The following NPHP4 variants were observed in gnomAD, a reference collection of about 807,000 sequenced individuals.
NPHP4 encodes the protein nephrocystin 4.
Under a neutral mutation model 155.8 loss-of-function variants are expected in NPHP4, and 151 were observed. The ratio of observed to expected loss-of-function variants is 0.97; its 90% CI spans 0.85 to 1.11. The LOEUF is 1.11. NPHP4 is among the 50% of genes least tolerant of loss of function. The probability of loss-of-function intolerance (pLI) is 0.00; values close to 1 mark genes in which losing one functional copy is unlikely to be tolerated. For missense variants in NPHP4, 1,956 were observed against 1,925.7 expected, an observed-to-expected ratio of 1.02 and a Z score of -0.29; for synonymous variants, 845 against 816.8, an observed-to-expected ratio of 1.03 and a Z score of -0.59.
Position 5,978,523 on chromosome 1 carries a change from G to C in NPHP4, c.136-110C>G, listed in dbSNP as rs4908639. 786,100 of 966,350 alleles carry C rather than the reference G, an allele frequency of 0.81. 321,221 individuals carry two copies. Among genetic ancestry groups the C allele is most frequent in the African/African-American group, 0.94 (57,790 of 61,626 alleles). The allele number at this position is 966,350 out of a possible 1,614,324, so 59.9% of individuals were successfully genotyped here. A position where few individuals can be genotyped will look rare whatever the true frequency, so the allele number is the denominator to read the frequency against. ...GGCCACCTCGCTCAGATATCAGCAC[G>C]CTGGTTTCCTTATTGGGAGGCTACC... On this transcript the variant is annotated intron_variant, in intron 2 of 29. Coordinates refer to ENST00000378156, the MANE Select transcript of NPHP4 (RefSeq NM_015102.5).
At chr1:5,901,439 T>C (rs1332917165) in intron 16 of NPHP4, among the ~76,000 whole-genome samples, 1 of 152,234 alleles carries the variant, frequency 6.6e-6, no homozygotes, top group African/African-American at 2.4e-5. Flanking sequence ...GAAATTGAAA[T>C]CAGTCGGGTG....
At position 5,887,318 on chromosome 1, in the gene NPHP4, T is replaced by C. The variant is rs752985724; in HGVS notation, c.2453A>G (p.Lys818Arg). 3 of 1,613,402 alleles carry C rather than the reference T, an allele frequency of 1.9e-6. No homozygotes were observed. In the African/African-American group the frequency reaches 4.0e-5, roughly 22 times the overall value. Residue 818 changes from lysine (K) to arginine (R), a missense_variant, in exon 18 of 30, where the codon AAG (lysine) becomes AGG (arginine). By Grantham distance (26) the Lys-to-Arg change is conservative. Coordinates refer to ENST00000378156, the MANE Select transcript of NPHP4 (RefSeq NM_015102.5). ...GGCCAAAGTCAGGTGCAGCCGGCCC[T>C]TCACCACCGAGTGGACGCCGATGGG... ...VKPIGVHSVVKGRLHLTLANV... is the reference protein window; with the variant it reads ...VKPIGVHSVVRGRLHLTLANV...
chr1:5,873,209 C>G (rs1272584423), intron 23 of NPHP4, 43 bp downstream of exon 23: 1 of 1,523,604 alleles, frequency 6.6e-7, no homozygotes, highest in Admixed American at 1.7e-5. Flanking sequence ...CTGGGAATAC[C>G]CAGGAAGCCC....
chr1:5,987,792 T>G (rs1335583508), intron 1 of NPHP4, among the ~76,000 whole-genome samples: 2 of 152,222 alleles, frequency 1.3e-5, no homozygotes, highest in East Asian at 3.8e-4. Context: ...CCATTTTCAC[T>G]AAGAAGAATG....
At chr1:5,912,011 A>G (rs1163948906) in intron 11 of NPHP4, among the ~76,000 whole-genome samples, 3 of 152,382 alleles carry the variant, frequency 2.0e-5, no homozygotes, top group Admixed American at 6.5e-5. Context: ...CGGGAGCAGC[A>G]TGCGTGTGCA....
chr1:5,864,272 G>C (rs1640955194), intron 28 of NPHP4, 66 bp downstream of exon 28: 4 of 1,453,206 alleles, frequency 2.8e-6, no homozygotes, highest in Non-Finnish European at 3.7e-6. Flanking sequence ...GGCCGAGGTG[G>C]GGGTCCTGCA....
intron 11 of NPHP4, among the ~76,000 whole-genome samples, chr1:5,909,984 G>A (rs927605292): frequency 6.6e-6 from 1 of 152,126 alleles, no homozygotes; most frequent in African/African-American, 2.4e-5. Flanking sequence ...CAGACCCAGG[G>A]CTCTCAGCCC....
At chr1:5,899,082 T>C (rs1367001817) in intron 16 of NPHP4, among the ~76,000 whole-genome samples, 1 of 152,210 alleles carries the variant, frequency 6.6e-6, no homozygotes, top group Admixed American at 6.5e-5. Flanking sequence ...CTCCTGCTGA[T>C]GGATGTGGAA....
Position 5,904,643 on chromosome 1 carries a change from A to C in NPHP4, c.2117T>G (p.Val706Gly), listed in dbSNP as rs754076965. The C allele has an allele frequency of 5.6e-6, 9 of 1,612,108 alleles. No homozygotes were observed. Among genetic ancestry groups the C allele is most frequent in the East Asian group, 2.2e-5 (1 of 44,848 alleles). ...SGALTHILVP[V>G]SRDGTFDAGS... ...AGCATCAAAGGTGCCATCTCTGCTC[A>C]CAGGCACGAGGATGTGGGTCAGGGC... The change falls in exon 16 of 30, where the codon GTG (valine) becomes GGG (glycine). Residue 706 changes from valine to glycine, a missense_variant. Transcript: ENST00000378156.
intron 8 of NPHP4, 95 bp from the exon 9 acceptor site, chr1:5,947,325 C>T (rs1018244191): frequency 7.3e-7 from 1 of 1,364,532 alleles, no homozygotes; most frequent in Non-Finnish European, 1.0e-6. Context: ...CAAGGGGACA[C>T]CCTGGGGGAC....
chr1:5,932,634 G>A (rs1382299863), intron 10 of NPHP4, among the ~76,000 whole-genome samples: 1 of 151,088 alleles, frequency 6.6e-6, no homozygotes, highest in South Asian at 2.1e-4. Context: ...CTTAATTGGG[G>A]TGCAGAGAAC....
chr1:5,991,789 G>A (rs1036010199), intron 1 of NPHP4, among the ~76,000 whole-genome samples: 1 of 152,048 alleles, frequency 6.6e-6, no homozygotes, highest in East Asian at 1.9e-4. Context: ...GCGGGGAGGA[G>A]GGGCGGAGGG....
intron 6 of NPHP4, among the ~76,000 whole-genome samples, chr1:5,955,105 C>T (rs1207920713): frequency 6.6e-6 from 1 of 151,512 alleles, no homozygotes; most frequent in Non-Finnish European, 1.5e-5. Context: ...AGAAGACGTT[C>T]GAATACCTGT....
At chr1:5,908,739 C>T (rs527330154) in intron 12 of NPHP4, among the ~76,000 whole-genome samples, 164 of 152,292 alleles carry the variant, frequency 1.1e-3, no homozygotes, top group African/African-American at 3.6e-3. Context: ...GCTGCTTGGC[C>T]GACAGGGCCA....
chr1:5,935,771 A>C lies in NPHP4; in HGVS notation c.1120-2442T>G, dbSNP rs1570518215. On this transcript the variant is annotated intron_variant, in intron 9 of 29. Transcript: ENST00000378156. ...GCACCTGTAATCCCAGCTACTCGGG[A>C]GGCTGAGGCAGGAGAATCGCTTGAA... Among the ~76,000 whole-genome samples, 3 of 152,296 alleles carry C rather than the reference A, an allele frequency of 2.0e-5. No individual in the cohort carries two copies. In the East Asian group the frequency reaches 5.8e-4, roughly 29 times the overall value.
intron 9 of NPHP4, among the ~76,000 whole-genome samples, 199 bp from the exon 10 acceptor site, chr1:5,933,528 T>C (rs187569263): frequency 2.0e-5 from 3 of 152,250 alleles, no homozygotes; most frequent in South Asian, 2.1e-4. Flanking sequence ...AGGGCACAGA[T>C]AGTCTTCAGT....
At chr1:5,900,237 G>A (rs1239015927) in intron 16 of NPHP4, among the ~76,000 whole-genome samples, 2 of 152,204 alleles carry the variant, frequency 1.3e-5, no homozygotes, top group African/African-American at 2.4e-5. Flanking sequence ...GAAAGATTAT[G>A]TACACACAAC....
chr1:5,905,775 G>C lies in NPHP4; in HGVS notation c.1620C>G (p.Phe540Leu). 5 of 1,607,030 alleles carry C rather than the reference G, an allele frequency of 3.1e-6. No individual in the cohort carries two copies. Among genetic ancestry groups the C allele is most frequent in the Non-Finnish European group, 4.2e-6 (5 of 1,176,668 alleles). The change falls in exon 14 of 30, where the codon TTC (phenylalanine) becomes TTG (leucine). Residue 540 changes from phenylalanine (F) to leucine (L), a missense_variant. By Grantham distance (22) the Phe-to-Leu change is conservative. Coordinates refer to ENST00000378156, the MANE Select transcript of NPHP4 (RefSeq NM_015102.5). This position sits in a 1 kb window ranked among gnomAD's most constrained non-coding sequence, Gnocchi z 4.0. ...SQASPAQAQE[F>L]PLEAGISHLE... is the part of the protein sequence containing the mutation. ...GGTGGGAGATACCGGCCTCCAACGG[G>C]AACTCCTGCTGAACAAAACGAGGGC... is the stretch of plus-strand genomic sequence containing the variant.
chr1:5,867,370 A>G lies in NPHP4; in HGVS notation c.3473-255T>C. Reference sequence around the variant, plus strand: ...ACAGGGAATAATCGAGGGGGCCACAAAAAAGAAAACACAGCTCCCTGGAGC... The same window carrying G: ...ACAGGGAATAATCGAGGGGGCCACAGAAAAGAAAACACAGCTCCCTGGAGC... On this transcript the variant is annotated intron_variant, in intron 24 of 29. Transcript: ENST00000378156. The surrounding 1 kb of genome is among the most constrained non-coding windows in gnomAD (Gnocchi z 4.1). 3.7e-6 allele frequency: 2 copies of G among 546,382 alleles called. No homozygotes were observed. Among genetic ancestry groups the G allele is most frequent in the East Asian group, 3.0e-5 (1 of 33,320 alleles). 33.8% of individuals were successfully genotyped at this position (546,382 alleles called of 1,614,324 possible).
Sources: allele counts gnomAD v4.1 joint callset (sites outside exome capture counted in the v4.1 genomes callset), GRCh38; gene constraint gnomAD v4.1.1; non-coding constraint Gnocchi (gnomAD v3.1); transcripts MANE v1.5; gene names NCBI Gene and HGNC (gene_info 2026-07-23, HGNC 2026-07-21).